Variants in MYCBP observed in about 807,000 individuals in gnomAD.
MYCBP encodes MYC binding protein.
Under a neutral mutation model 16.8 loss-of-function variants are expected in MYCBP, and 5 were observed. The ratio of observed to expected loss-of-function variants is 0.30; its 90% CI spans 0.16 to 0.63. The LOEUF (loss-of-function observed/expected upper bound fraction) is 0.63, where lower values mean the gene tolerates loss of function less well. MYCBP is among the 20% of genes least tolerant of loss of function. The pLI is 0.83. For missense variants in MYCBP, 103 were observed against 121.8 expected (o/e 0.85, Z 0.73); for synonymous variants, 35 against 43.7 (o/e 0.80, Z 0.79).
Position 38,873,347 on chromosome 1 carries a change from C to T in MYCBP, c.-42G>A. 6.3e-7 allele frequency: 1 copy of T among 1,594,018 alleles called. No homozygotes were observed. Among genetic ancestry groups the T allele is most frequent in the Non-Finnish European group, 8.5e-7 (1 of 1,176,022 alleles). Reference sequence around the variant, plus strand: ...GCGTAGCTGGCGCCGGAGACCGCGACTGGCGGGTTGGGAGCAGCACTGCTC... The same window carrying T: ...GCGTAGCTGGCGCCGGAGACCGCGATTGGCGGGTTGGGAGCAGCACTGCTC... On this transcript the variant is annotated 5_prime_UTR_variant, in exon 1 of 5. Transcript: ENST00000397572.
chr1:38,869,556 A>C (rs1642416360), intron 2 of MYCBP, among the ~76,000 whole-genome samples: 1 of 152,176 alleles, frequency 6.6e-6, no homozygotes, highest in African/African-American at 2.4e-5. Context: ...GATGAAATGC[A>C]CTTCCTTGTA....
chr1:38,866,835 T>C (rs367818775), intron 4 of MYCBP, 45 bp downstream of exon 4: 3 of 1,383,804 alleles, frequency 2.2e-6, no homozygotes, highest in African/African-American at 2.9e-5. Context: ...CATACAATTA[T>C]TACAGGTAAA....
rs183909902 is a variant in MYCBP at position 38,869,992 on chromosome 1, C to G, written c.89-2382G>C. ...GACCATCCTGGCTAACATGGTGAAA[C>G]CCCGTCTCTACTAAAAATACAAAAA... On this transcript the variant is annotated intron_variant, in intron 2 of 4. Coordinates refer to ENST00000397572, the MANE Select transcript of MYCBP (RefSeq NM_012333.5). 5.3e-4 allele frequency among the ~76,000 whole-genome samples: 81 copies of G among 151,890 alleles called. No individual in the cohort carries two copies. In the East Asian group the frequency reaches 0.013, roughly 23 times the overall value.
Position 38,863,273 on chromosome 1 carries a change from C to T in MYCBP, c.*1397G>A, listed in dbSNP as rs1178917832. The T allele has an allele frequency of 6.6e-6, 1 of 152,202 alleles. No individual in the cohort carries two copies. Among genetic ancestry groups the T allele is most frequent in the Non-Finnish European group, 1.5e-5 (1 of 68,028 alleles). The allele number at this position is 152,202 out of a possible 1,614,324, so 9.4% of individuals were successfully genotyped here. On this transcript the variant is annotated 3_prime_UTR_variant, in exon 5 of 5. Coordinates refer to ENST00000397572, the MANE Select transcript of MYCBP (RefSeq NM_012333.5). ...TTATTGGCTTGGTCATAGTCTCCAACAGGTGCCAAGGCTTTTGCTAGTTAA... is the reference window on the plus strand; with the variant it reads ...TTATTGGCTTGGTCATAGTCTCCAATAGGTGCCAAGGCTTTTGCTAGTTAA...
intron 4 of MYCBP, among the ~76,000 whole-genome samples, chr1:38,866,480 G>C (rs186307242): frequency 1.3e-5 from 2 of 149,576 alleles, no homozygotes; most frequent in Non-Finnish European, 3.0e-5. Flanking sequence ...ACAGTGGCAC[G>C]ATCTTGGCTC....
At chr1:38,868,884 C>T (rs1437705161) in intron 2 of MYCBP, among the ~76,000 whole-genome samples, 1 of 151,880 alleles carries the variant, frequency 6.6e-6, no homozygotes, top group Non-Finnish European at 1.5e-5. Flanking sequence ...CCAGCCTGGG[C>T]GATGGAGCAA....
chr1:38,867,464 A>G, intron 3 of MYCBP, 98 bp downstream of exon 3: 1 of 1,015,864 alleles, frequency 9.8e-7, no homozygotes, highest in East Asian at 2.7e-5. Context: ...AAAAAAAAAA[A>G]GTAACTTTCT....
chr1:38,869,923 C>T (rs377550261), intron 2 of MYCBP, among the ~76,000 whole-genome samples: 6 of 151,740 alleles, frequency 4.0e-5, no homozygotes, highest in African/African-American at 1.5e-4. Flanking sequence ...AATCCCAGCA[C>T]TTTGGTAGGC....
intron 2 of MYCBP, among the ~76,000 whole-genome samples, chr1:38,870,266 G>A (rs1642433544): frequency 6.6e-6 from 1 of 151,820 alleles, no homozygotes; most frequent in African/African-American, 2.4e-5. Flanking sequence ...AGAATTGCTT[G>A]AACCTGGGAG....
chr1:38,872,888 C>T, intron 2 of MYCBP, 130 bp downstream of exon 2: 1 of 1,088,186 alleles, frequency 9.2e-7, no homozygotes. Context: ...ACCCCGAGGC[C>T]CACCTCGCTG....
At position 38,866,945 on chromosome 1, in the gene MYCBP, C is replaced by G; in HGVS notation, c.202G>C (p.Glu68Gln). The change falls in exon 4 of 5, where the codon GAA (glutamate) becomes CAA (glutamine). Residue 68 changes from glutamate to glutamine, a missense_variant. Physicochemically the swap from Glu to Gln is conservative, Grantham distance 29 (BLOSUM62 2). Coordinates refer to ENST00000397572, the MANE Select transcript of MYCBP (RefSeq NM_012333.5). ...ENPEIELLRL[E>Q]LAEMKEKYEA... Reference sequence around the variant, plus strand: ...TACTTCTCTTTCATTTCGGCCAGTTCTAGGCGAAGCAGCTCTATTTCTGGA... The same window carrying G: ...TACTTCTCTTTCATTTCGGCCAGTTGTAGGCGAAGCAGCTCTATTTCTGGA... 6.2e-7 allele frequency: 1 copy of G among 1,607,884 alleles called. No homozygotes were observed. The highest frequency in any genetic ancestry group is 8.5e-7 in the Non-Finnish European group (1 of 1,177,054).
chr1:38,866,866 T>TC lies in MYCBP; in HGVS notation c.267+13_267+14insG. 6.7e-7 allele frequency: 1 copy of TC among 1,487,228 alleles called. No homozygotes were observed. The highest frequency in any genetic ancestry group is 9.1e-7 in the Non-Finnish European group (1 of 1,101,030). The allele number at this position is 1,487,228 out of a possible 1,614,324, so 92.1% of individuals were successfully genotyped here. On this transcript the variant is annotated intron_variant, in intron 4 of 4. Coordinates refer to ENST00000397572, the MANE Select transcript of MYCBP (RefSeq NM_012333.5). ...GTAAAATTATTTGAATATGAATTCT[T>TC]TTTAAAAATTTACCTTTGCTTTCAG... is the stretch of plus-strand genomic sequence containing the variant.
intron 2 of MYCBP, 59 bp downstream of exon 2, chr1:38,872,959 G>A (rs1570891964): frequency 3.9e-6 from 6 of 1,531,976 alleles, no homozygotes; most frequent in Non-Finnish European, 4.4e-6. Flanking sequence ...GCTGGGGAAC[G>A]GGGCAGCGCC....
intron 2 of MYCBP, among the ~76,000 whole-genome samples, chr1:38,868,387 A>G (rs978830817): frequency 6.6e-6 from 1 of 152,244 alleles, no homozygotes; most frequent in Non-Finnish European, 1.5e-5. Flanking sequence ...ACCACCAACC[A>G]AAAACTTTAC....
intron 4 of MYCBP, among the ~76,000 whole-genome samples, chr1:38,866,108 GCA>G (rs1389942065): frequency 7.4e-6 from 1 of 135,650 alleles, no homozygotes; most frequent in African/African-American, 2.9e-5. Flanking sequence ...GAGTGCAGTG[GCA>G]CAGTCTCGGC....
chr1:38,868,159 G>T (rs1157053470), intron 2 of MYCBP, among the ~76,000 whole-genome samples: 3 of 152,216 alleles, frequency 2.0e-5, no homozygotes, highest in Non-Finnish European at 4.4e-5. Flanking sequence ...GGACCAGCTG[G>T]AGTGGGACAA....
intron 2 of MYCBP, among the ~76,000 whole-genome samples, chr1:38,870,348 A>AAT (rs1642435269): frequency 6.6e-6 from 1 of 151,584 alleles, no homozygotes; most frequent in Non-Finnish European, 1.5e-5. Context: ...GTCTCGAAAA[A>AAT]ATATATATAT....
chr1:38,868,698 G>C (rs544381870), intron 2 of MYCBP, among the ~76,000 whole-genome samples: 1 of 152,130 alleles, frequency 6.6e-6, no homozygotes, highest in African/African-American at 2.4e-5. Flanking sequence ...GAAGTCAGGA[G>C]ATCAAGACCA....
At chr1:38,870,169 CA>C (rs1221257996) in intron 2 of MYCBP, among the ~76,000 whole-genome samples, 121 of 77,182 alleles carry the variant, frequency 1.6e-3, no homozygotes, top group African/African-American at 3.4e-3. Context: ...GACTCCGTCT[CA>C]AAAAAAAAAA....
Sources: gnomAD v4.1 joint callset for allele counts (sites outside exome capture counted in the v4.1 genomes callset) on GRCh38, gnomAD v4.1.1 for gene constraint, MANE v1.5 for transcripts, NCBI Gene and HGNC (gene_info 2026-07-23, HGNC 2026-07-21) for gene names.